ATXN1: variants seen among roughly 807,000 people sequenced by gnomAD.
ATXN1 encodes the protein ataxin 1.
In ATXN1, 8 loss-of-function variants were observed where a neutral mutation model predicts 56.4. The observed-to-expected ratio is 0.14, with a 90% CI of 0.08 to 0.26. The LOEUF (loss-of-function observed/expected upper bound fraction) is 0.26. Ranked by LOEUF, ATXN1 falls within the 10% of genes least tolerant of loss-of-function variation. The pLI, the probability that ATXN1 is intolerant of heterozygous loss-of-function variation, is 1.00. For synonymous variants in ATXN1, 514 were observed against 494.6 expected (o/e 1.04, Z -0.52); for missense variants, 987 against 1,106.5 (o/e 0.89, Z 1.53).
chr6:16,614,052 G>C (rs1763161658), intron 3 of ATXN1, among the ~76,000 whole-genome samples: 1 of 151,316 alleles, frequency 6.6e-6, no homozygotes, highest in Non-Finnish European at 1.5e-5. Context: ...TGCCTTAATG[G>C]GGGCAAAGGT....
At chr6:16,408,231 G>A (rs921761681) in intron 6 of ATXN1, among the ~76,000 whole-genome samples, 1 of 152,068 alleles carries the variant, frequency 6.6e-6, no homozygotes, top group African/African-American at 2.4e-5. Context: ...AAGAAGAACC[G>A]ATCATCAACC....
chr6:16,670,613 A>C (rs1758520504), intron 2 of ATXN1, among the ~76,000 whole-genome samples: 2 of 152,208 alleles, frequency 1.3e-5, no homozygotes, highest in Admixed American at 6.5e-5. Context: ...AGTTTTTTAG[A>C]ACTCAATTTG....
At chr6:16,738,996 A>T (rs1296548359) in intron 2 of ATXN1, 1 of 152,152 alleles carries the variant, frequency 6.6e-6, no homozygotes, top group Non-Finnish European at 1.5e-5. Context: ...TATCTCTTCC[A>T]TTCCTTTTGT....
At chr6:16,632,148 T>C (rs1037424303) in intron 3 of ATXN1, among the ~76,000 whole-genome samples, 11 of 152,152 alleles carry the variant, frequency 7.2e-5, no homozygotes, top group Non-Finnish European at 1.5e-4. Context: ...GGGTGGATCA[T>C]GTAACAACCT....
chr6:16,528,372 T>C (rs1228770435), intron 4 of ATXN1, among the ~76,000 whole-genome samples: 1 of 151,606 alleles, frequency 6.6e-6, no homozygotes, highest in Non-Finnish European at 1.5e-5. Context: ...CCTCTGAAGG[T>C]ATACATGGGA....
intron 6 of ATXN1, among the ~76,000 whole-genome samples, chr6:16,409,238 C>A (rs1036545605): frequency 1.3e-5 from 2 of 151,978 alleles, no homozygotes; most frequent in African/African-American, 4.8e-5. Flanking sequence ...AGATGGTTAC[C>A]CCGAGAAGCT....
intron 4 of ATXN1, among the ~76,000 whole-genome samples, chr6:16,525,217 C>T (rs1450622893): frequency 6.6e-6 from 1 of 152,152 alleles, no homozygotes; most frequent in Non-Finnish European, 1.5e-5. Flanking sequence ...AAAATCTGCA[C>T]TTCCTCTGTT....
intron 6 of ATXN1, among the ~76,000 whole-genome samples, chr6:16,399,016 C>T (rs1758511973): frequency 6.6e-6 from 1 of 152,214 alleles, no homozygotes; most frequent in South Asian, 2.1e-4. Context: ...ATGCCTCCGT[C>T]TCACGACTCC....
chr6:16,453,874 C>T (rs1759807589), intron 6 of ATXN1, among the ~76,000 whole-genome samples: 1 of 152,140 alleles, frequency 6.6e-6, no homozygotes, highest in Non-Finnish European at 1.5e-5. Flanking sequence ...GGCGAGATGG[C>T]TCACACTTGT....
At chr6:16,347,348 A>G (rs1321413645) in intron 6 of ATXN1, among the ~76,000 whole-genome samples, 1 of 152,236 alleles carries the variant, frequency 6.6e-6, no homozygotes, top group Non-Finnish European at 1.5e-5. Flanking sequence ...AGGGATTTTA[A>G]ATACACCAAT....
chr6:16,440,648 A>AAAAAAAAAAAAAAAAAAAAAAAAG, intron 6 of ATXN1, among the ~76,000 whole-genome samples: 1 of 118,548 alleles, frequency 8.4e-6, no homozygotes, highest in Non-Finnish European at 1.7e-5. Flanking sequence ...CTTAAAAAAA[A>AAAAAAAAAAAAAAAAAAAAAAAAG]AAAAGAAAAG....
At chr6:16,618,103 G>A (rs1446574526) in intron 3 of ATXN1, among the ~76,000 whole-genome samples, 1 of 151,860 alleles carries the variant, frequency 6.6e-6, no homozygotes, top group African/African-American at 2.4e-5. Context: ...ATGAGATCAT[G>A]TCCTTTACAG....
intron 6 of ATXN1, among the ~76,000 whole-genome samples, chr6:16,347,794 G>A (rs993352273): frequency 1.3e-5 from 2 of 152,244 alleles, no homozygotes; most frequent in Admixed American, 1.3e-4. Context: ...AACATGGGTA[G>A]GGCCAGATAA....
intron 5 of ATXN1, among the ~76,000 whole-genome samples, chr6:16,507,593 T>G (rs916823110): frequency 1.3e-5 from 2 of 152,246 alleles, no homozygotes; most frequent in African/African-American, 4.8e-5. Flanking sequence ...AGGTAATTTT[T>G]CTCCAAAGAA....
At chr6:16,607,629 C>T (rs1207333799) in intron 3 of ATXN1, among the ~76,000 whole-genome samples, 1 of 152,214 alleles carries the variant, frequency 6.6e-6, no homozygotes, top group Non-Finnish European at 1.5e-5. Flanking sequence ...GTACCCATCT[C>T]TCTAGGCAAC....
chr6:16,714,030 C>A lies in ATXN1; in HGVS notation c.-615+39203G>T, dbSNP rs141321658. On this transcript the variant is annotated intron_variant, in intron 2 of 7. Coordinates refer to ENST00000436367, the MANE Select transcript of ATXN1 (RefSeq NM_001128164.2). ...AATTAGCCAGGCGTGGTGGTGTGCA[C>A]CTCTAGTCCCAGCTACTTGGGAGGT... Among the ~76,000 whole-genome samples the A allele has an allele frequency of 8.8e-3, 1,345 of 152,162 alleles. 16 individuals carry two copies. The highest frequency in any genetic ancestry group is 0.03 in the African/African-American group (1,229 of 41,474).
At chr6:16,685,225 T>C (rs1758893366) in intron 2 of ATXN1, among the ~76,000 whole-genome samples, 1 of 152,236 alleles carries the variant, frequency 6.6e-6, no homozygotes, top group South Asian at 2.1e-4. Flanking sequence ...GTATATTAGC[T>C]TGTAATACAC....
At chr6:16,739,600 G>C (rs1357354494) in intron 2 of ATXN1, 1 of 313,902 alleles carries the variant, frequency 3.2e-6, no homozygotes, top group Non-Finnish European at 6.6e-6. Flanking sequence ...CAAAAGGTGT[G>C]TAGCTGCAAG....
intron 2 of ATXN1, among the ~76,000 whole-genome samples, chr6:16,674,417 C>T (rs1314418192): frequency 7.0e-6 from 1 of 143,778 alleles, no homozygotes; most frequent in East Asian, 2.1e-4. Flanking sequence ...TCTCGGCTCA[C>T]TGCAACACTG....
Sources: gnomAD v4.1 joint callset for allele counts (sites outside exome capture counted in the v4.1 genomes callset) on GRCh38, gnomAD v4.1.1 for gene constraint, MANE v1.5 for transcripts, NCBI Gene and HGNC (gene_info 2026-07-23, HGNC 2026-07-21) for gene names.